CFAP299: variants seen among roughly 807,000 people sequenced by gnomAD.
The protein encoded by CFAP299 is cilia and flagella associated protein 299.
Under a neutral mutation model 27.0 loss-of-function variants are expected in CFAP299, and 21 were observed. The observed-to-expected ratio is 0.78, with a 90% CI of 0.55 to 1.12. The LOEUF (loss-of-function observed/expected upper bound fraction) is 1.12, where lower values mean the gene tolerates loss of function less well. Ranked by LOEUF, CFAP299 falls within the 50% of genes most tolerant of loss-of-function variation. The pLI is 0.00. For synonymous variants in CFAP299, 104 were observed against 98.1 expected (o/e 1.06, Z -0.36); for missense variants, 310 against 276.6 (o/e 1.12, Z -0.86).
chr4:80,336,013 C>A, intron 1 of CFAP299, 134 bp downstream of exon 1: 1 of 631,570 alleles, frequency 1.6e-6, no homozygotes, highest in East Asian at 2.7e-5. Context: ...GGGACCGCGA[C>A]ACTAAAGCCG....
chr4:80,812,378 C>CA (rs1729201091), intron 3 of CFAP299, among the ~76,000 whole-genome samples: 2 of 152,034 alleles, frequency 1.3e-5, no homozygotes, highest in African/African-American at 4.8e-5. Flanking sequence ...CAAGGGCTAA[C>CA]ATTACACATA....
intron 3 of CFAP299, among the ~76,000 whole-genome samples, chr4:80,768,487 A>G (rs1406932108): frequency 6.6e-6 from 1 of 152,178 alleles, no homozygotes; most frequent in East Asian, 1.9e-4. Flanking sequence ...GTTGCTCCCT[A>G]CTGTTAAGTT....
chr4:80,521,597 A>G (rs1052765341), intron 2 of CFAP299, among the ~76,000 whole-genome samples: 1 of 152,050 alleles, frequency 6.6e-6, no homozygotes, highest in Non-Finnish European at 1.5e-5. Context: ...AACTATTCCC[A>G]TTGACAACAG....
In CFAP299 at chr4:80,885,477, A is replaced by G. The variant is rs138225535; in HGVS notation, c.476+15342A>G. ...CAAAAGTGACTCCTTCCTCCTGCCCAAGGTCAGGAGAGAGAAAAGAGGACT... is the reference window on the plus strand; with the variant it reads ...CAAAAGTGACTCCTTCCTCCTGCCCGAGGTCAGGAGAGAGAAAAGAGGACT... On this transcript the variant is annotated intron_variant, in intron 4 of 5. Transcript: ENST00000358105. Among the ~76,000 whole-genome samples, 514 of 152,282 alleles carry G rather than the reference A, an allele frequency of 3.4e-3. 1 individual carries two copies. Among genetic ancestry groups the G allele is most frequent in the African/African-American group, 0.012 (482 of 41,572 alleles).
chr4:80,464,381 G>A (rs1487758651), intron 2 of CFAP299, among the ~76,000 whole-genome samples: 1 of 152,136 alleles, frequency 6.6e-6, no homozygotes, highest in Non-Finnish European at 1.5e-5. Flanking sequence ...CTGGAAGTAA[G>A]AAAAGATGAC....
intron 1 of CFAP299, among the ~76,000 whole-genome samples, chr4:80,362,516 AT>A (rs11407016): frequency 6.6e-5 from 10 of 151,084 alleles, no homozygotes; most frequent in Admixed American, 4.0e-4. Context: ...AGCAATTGAC[AT>A]TTTTTTTTCA....
intron 3 of CFAP299, among the ~76,000 whole-genome samples, chr4:80,750,244 A>T (rs896938664): frequency 1.3e-5 from 2 of 152,186 alleles, no homozygotes; most frequent in Non-Finnish European, 2.9e-5. Flanking sequence ...ATTTAAAAAA[A>T]TTTTAACTAA....
chr4:80,647,923 A>G (rs1273854411), intron 3 of CFAP299, among the ~76,000 whole-genome samples: 1 of 152,084 alleles, frequency 6.6e-6, no homozygotes, highest in African/African-American at 2.4e-5. Context: ...TGGGCATGGC[A>G]GCACACACCT....
At chr4:80,437,096 A>T (rs1578441431) in intron 2 of CFAP299, among the ~76,000 whole-genome samples, 1 of 152,316 alleles carries the variant, frequency 6.6e-6, no homozygotes, top group East Asian at 1.9e-4. Flanking sequence ...TAAGAGTTAG[A>T]TAATAACCAG....
In CFAP299 at chr4:80,963,531, C is replaced by T; in HGVS notation, c.621C>T (p.Asp207=). The T allele has an allele frequency of 1.9e-6, 3 of 1,598,908 alleles. No individual in the cohort carries two copies. Among genetic ancestry groups the T allele is most frequent in the East Asian group, 2.3e-5 (1 of 44,306 alleles). ...LNVDPKAQPG[D]NSTRITILTE... is the part of the protein sequence containing the mutation. ...ATGTATTTTAGGCGCAGCCAGGTGA[C>T]AACTCTACTAGAATCACTATCCTGA... Residue 207 remains aspartate, a synonymous_variant, in exon 6 of 6, where the codon GAC becomes GAT. Transcript: ENST00000358105.
intron 2 of CFAP299, among the ~76,000 whole-genome samples, chr4:80,452,033 C>T (rs564884935): frequency 6.6e-6 from 1 of 152,272 alleles, no homozygotes; most frequent in East Asian, 1.9e-4. Flanking sequence ...TATAAATCCA[C>T]TAGTAGAAAT....
chr4:80,585,954 G>C (rs1457530990), intron 3 of CFAP299, among the ~76,000 whole-genome samples: 2 of 152,148 alleles, frequency 1.3e-5, no homozygotes, highest in African/African-American at 4.8e-5. Context: ...ATTCAGTGGA[G>C]AGTGAGCAGC....
intron 3 of CFAP299, among the ~76,000 whole-genome samples, chr4:80,737,677 T>C (rs1465974500): frequency 6.6e-6 from 1 of 152,112 alleles, no homozygotes; most frequent in Non-Finnish European, 1.5e-5. Flanking sequence ...CTTTTTTTCT[T>C]AGTCTGGATG....
At chr4:80,436,254 A>C (rs952111385) in intron 2 of CFAP299, among the ~76,000 whole-genome samples, 3 of 152,090 alleles carry the variant, frequency 2.0e-5, no homozygotes, top group African/African-American at 7.2e-5. Flanking sequence ...ATATCTGATA[A>C]ATGGGCTGTG....
At position 80,923,866 on chromosome 4, in the gene CFAP299, T is replaced by C. The variant is rs539554557; in HGVS notation, c.477-20944T>C. Among the ~76,000 whole-genome samples the C allele has an allele frequency of 2.4e-4, 36 of 152,128 alleles. No individual in the cohort carries two copies. In the East Asian group the frequency reaches 5.2e-3, roughly 22 times the overall value. On this transcript the variant is annotated intron_variant, in intron 4 of 5. Transcript: ENST00000358105. ...GGTATTTGAGGCTATTGAGGAATTA[T>C]TGTAATTTTAAGGTATTATATTAAA...
At chr4:80,403,874 T>A (rs371890026) in intron 2 of CFAP299, among the ~76,000 whole-genome samples, 19 of 152,222 alleles carry the variant, frequency 1.2e-4, no homozygotes, top group Non-Finnish European at 2.4e-4. Flanking sequence ...TACTAGTAGA[T>A]AAATCACTTT....
chr4:80,679,068 C>T (rs1158170610), intron 3 of CFAP299, among the ~76,000 whole-genome samples: 3 of 152,050 alleles, frequency 2.0e-5, no homozygotes, highest in Admixed American at 1.3e-4. Flanking sequence ...CACTCCCTCA[C>T]CCACTTCTCT....
intron 2 of CFAP299, among the ~76,000 whole-genome samples, chr4:80,433,429 A>G (rs1033597235): frequency 6.6e-6 from 1 of 152,224 alleles, no homozygotes; most frequent in South Asian, 2.1e-4. Context: ...GTGGGAAAAT[A>G]GAAAGAATAC....
At chr4:80,340,191 G>A (rs993098363) in intron 1 of CFAP299, among the ~76,000 whole-genome samples, 12 of 152,296 alleles carry the variant, frequency 7.9e-5, no homozygotes, top group African/African-American at 2.6e-4. Flanking sequence ...AAGAAAAGCA[G>A]GGTGAGACAG....
Sources: allele counts gnomAD v4.1 joint callset (sites outside exome capture counted in the v4.1 genomes callset), GRCh38; gene constraint gnomAD v4.1.1; transcripts MANE v1.5; gene names NCBI Gene and HGNC (gene_info 2026-07-23, HGNC 2026-07-21).